Variants in VDR observed in about 807,000 individuals in gnomAD.
VDR encodes the protein vitamin D3 receptor.
Under a neutral mutation model 39.7 loss-of-function variants are expected in VDR, and 19 were observed. The ratio of observed to expected loss-of-function variants is 0.48; its 90% CI spans 0.33 to 0.70. The LOEUF (loss-of-function observed/expected upper bound fraction) is 0.70, where lower values mean the gene tolerates loss of function less well. VDR is among the 30% of genes least tolerant of loss of function. The pLI is 0.02. For synonymous variants in VDR, 242 were observed against 215.8 expected, an observed-to-expected ratio of 1.12 and a Z score of -1.07; for missense variants, 442 against 570.5, an observed-to-expected ratio of 0.77 and a Z score of 2.29.
intron 7 of VDR, among the ~76,000 whole-genome samples, chr12:47,853,080 A>G (rs11168264): frequency 0.066 from 10,122 of 152,284 alleles, 1,101 homozygotes; most frequent in African/African-American, 0.22. Flanking sequence ...TTTGGGGAAG[A>G]ATGAAGATAC....
chr12:47,842,867 C>CT lies in VDR; in HGVS notation c.*1878dup, dbSNP rs1945199233. ...ATGAGGGGATTGACTCGTTTAGCAA[C>CT]TTACAAGTGTTTTCTCCCACTGAAG... On this transcript the variant is annotated 3_prime_UTR_variant, in exon 10 of 10. Coordinates refer to ENST00000549336, the MANE Select transcript of VDR (RefSeq NM_000376.3). 1.3e-5 allele frequency: 2 copies of CT among 152,174 alleles called. No homozygotes were observed. Among genetic ancestry groups the CT allele is most frequent in the Admixed American group, 6.5e-5 (1 of 15,280 alleles). 9.4% of individuals were successfully genotyped at this position (152,174 alleles called of 1,614,324 possible). A position where few individuals can be genotyped will look rare whatever the true frequency, so the allele number is the denominator to read the frequency against.
chr12:47,853,756 A>C (rs1419755448), intron 7 of VDR, among the ~76,000 whole-genome samples: 2 of 151,720 alleles, frequency 1.3e-5, no homozygotes, highest in Non-Finnish European at 2.9e-5. Context: ...ACTCTGTCTC[A>C]AAAAAAATAC....
At chr12:47,889,882 A>G (rs1946333181) in intron 1 of VDR, among the ~76,000 whole-genome samples, 1 of 152,234 alleles carries the variant, frequency 6.6e-6, no homozygotes, top group Admixed American at 6.5e-5. Flanking sequence ...TCCCAAGCCC[A>G]GCTTCCAGTG....
chr12:47,847,768 T>C (rs1299497549), intron 7 of VDR, among the ~76,000 whole-genome samples: 8 of 152,030 alleles, frequency 5.3e-5, no homozygotes, highest in African/African-American at 1.9e-4. Flanking sequence ...TTAGAGACAG[T>C]GTCCTGTTCT....
rs11574021 is a variant in VDR at position 47,902,755 on chromosome 12, G to T, written c.-84+2200C>A. Among the ~76,000 whole-genome samples, 739 of 152,304 alleles carry T rather than the reference G, an allele frequency of 4.9e-3. 4 individuals are homozygous for T. Among genetic ancestry groups the T allele is most frequent in the East Asian group, 0.029 (150 of 5,176 alleles). ...GATGCCTATTCCAGCCAGGACAGCG[G>T]TGCCTCCTTAGGATGTGGGGTAAGG... On this transcript the variant is annotated intron_variant, in intron 1 of 9. Coordinates refer to ENST00000549336, the MANE Select transcript of VDR (RefSeq NM_000376.3).
At chr12:47,855,013 C>T (rs1474242887) in intron 7 of VDR, among the ~76,000 whole-genome samples, 1 of 151,728 alleles carries the variant, frequency 6.6e-6, no homozygotes, top group African/African-American at 2.4e-5. Flanking sequence ...GCCAACATGG[C>T]GAAACTCCGT....
intron 3 of VDR, among the ~76,000 whole-genome samples, chr12:47,868,513 T>C (rs756284426): frequency 2.6e-5 from 4 of 152,264 alleles, no homozygotes; most frequent in Non-Finnish European, 5.9e-5. Flanking sequence ...ATTTGTTTAC[T>C]GCTGCTTTTC....
chr12:47,854,787 T>G (rs1165841007), intron 7 of VDR, among the ~76,000 whole-genome samples: 2 of 152,276 alleles, frequency 1.3e-5, no homozygotes, highest in Admixed American at 1.3e-4. Flanking sequence ...TCTCCAGTGC[T>G]GGCCTGCAGA....
chr12:47,875,006 A>AC (rs1565625188), intron 3 of VDR, among the ~76,000 whole-genome samples: 13 of 152,338 alleles, frequency 8.5e-5, no homozygotes, highest in African/African-American at 2.9e-4. Flanking sequence ...TTCACACTGG[A>AC]AATATCATCT....
intron 3 of VDR, among the ~76,000 whole-genome samples, chr12:47,871,963 G>A (rs139262984): frequency 6.6e-6 from 1 of 152,334 alleles, no homozygotes; most frequent in East Asian, 1.9e-4. Context: ...ATCTGGAAGC[G>A]AACACGATGA....
intron 3 of VDR, among the ~76,000 whole-genome samples, chr12:47,865,679 C>A (rs11574062): frequency 0.022 from 3,311 of 149,870 alleles, 114 homozygotes; most frequent in African/African-American, 0.075. Flanking sequence ...TCCCACAGTG[C>A]TGGGATTACA....
Position 47,844,966 on chromosome 12 carries a change from A to G in VDR, c.1064T>C (p.Ile355Thr), listed in dbSNP as rs758301495. The G allele has an allele frequency of 5.6e-6, 9 of 1,613,756 alleles. No individual in the cohort carries two copies. In the South Asian group the frequency reaches 8.8e-5, roughly 16 times the overall value. The change falls in exon 10 of 10, where the codon ATC becomes ACC. Residue 355 changes from isoleucine (I) to threonine (T), a missense_variant. Ile to Thr is a moderately conservative substitution (Grantham distance 89). Around this residue, in one of 5 missense-constraint regions of VDR, gnomAD observed 173 missense variants for 252.0 expected, o/e 0.69. Transcript: ENST00000549336. ...GVQDAALIEA[I>T]QDRLSNTLQT... The stretch of plus-strand genomic sequence containing the variant: ...CAGTGTGTTGGACAGGCGGTCCTGG[A>G]TGGCCTCAATCAGCGCGGCGTCCTG...
intron 3 of VDR, among the ~76,000 whole-genome samples, chr12:47,871,292 C>CTCTTTCTTTCTTTCTTCTT (rs1555153493): frequency 1.3e-5 from 1 of 79,854 alleles, no homozygotes; most frequent in Admixed American, 1.5e-4. Context: ...CTTTCTCTTT[C>CTCTTTCTTTCTTTCTTCTT]TCTTTCTTTC....
intron 7 of VDR, among the ~76,000 whole-genome samples, chr12:47,848,272 C>T (rs1945317659): frequency 2.6e-5 from 4 of 151,794 alleles, no homozygotes; most frequent in Admixed American, 2.6e-4. Flanking sequence ...CTCAAGTGAT[C>T]CTCTCATCTT....
At chr12:47,855,173 T>C (rs1201256980) in intron 7 of VDR, among the ~76,000 whole-genome samples, 3 of 152,008 alleles carry the variant, frequency 2.0e-5, no homozygotes, top group African/African-American at 7.2e-5. Context: ...ACTAAAATTA[T>C]AAAAATTAGC....
chr12:47,898,269 G>A (rs1032265765), intron 1 of VDR: 1 of 152,196 alleles, frequency 6.6e-6, no homozygotes, highest in African/African-American at 2.4e-5. Context: ...TGGGTCCCTA[G>A]GTCATGAATA....
chr12:47,857,621 G>A lies in VDR; in HGVS notation c.345C>T (p.Ala115=). The change falls in exon 5 of 10, where the codon GCC becomes GCT. Residue 115 remains alanine, a synonymous_variant. Transcript: ENST00000549336. ...EMILKRKEEE[A]LKDSLRPKLS... ...GCTTGGGCCGCAGACTGTCCTTCAA[G>A]GCCTCCTCCTCCTTCCGCTTCAGGA... The A allele has an allele frequency of 1.2e-6, 2 of 1,614,174 alleles. No homozygotes were observed. The highest frequency in any genetic ancestry group is 1.7e-6 in the Non-Finnish European group (2 of 1,180,036).
chr12:47,857,806 C>T lies in VDR; in HGVS notation c.278-118G>A, dbSNP rs772581961. The T allele has an allele frequency of 1.3e-4, 149 of 1,144,530 alleles. No individual in the cohort carries two copies. In the East Asian group the frequency reaches 3.0e-3, roughly 23 times the overall value. 70.9% of individuals were successfully genotyped at this position (1,144,530 alleles called of 1,614,324 possible). On this transcript the variant is annotated intron_variant, in intron 4 of 9. Transcript: ENST00000549336. ...GGGGCTTTAACACTCGGGGCTCCCT[C>T]GGGGGTCCTCCTGCCACGGAGACTC...
At chr12:47,881,581 T>A (rs1946151495) in intron 2 of VDR, among the ~76,000 whole-genome samples, 1 of 152,214 alleles carries the variant, frequency 6.6e-6, no homozygotes, top group African/African-American at 2.4e-5. Flanking sequence ...AGCAGTATTC[T>A]ATTTTTTGAG....
Sources: allele counts gnomAD v4.1 joint callset (sites outside exome capture counted in the v4.1 genomes callset), GRCh38; gene constraint gnomAD v4.1.1; regional missense constraint gnomAD v4.1.1; transcripts MANE v1.5; gene names NCBI Gene and HGNC (gene_info 2026-07-23, HGNC 2026-07-21).